Variants in NHS observed in about 807,000 individuals in gnomAD.
NHS encodes the protein actin remodeling regulator NHS.
Under a neutral mutation model 72.5 loss-of-function variants are expected in NHS, and 5 were observed. That is an observed-to-expected ratio of 0.07 (90% CI 0.04 to 0.14). The LOEUF (loss-of-function observed/expected upper bound fraction) is 0.14. Ranked by LOEUF, NHS falls within the 10% of genes least tolerant of loss-of-function variation. NHS has a pLI of 1.00. For missense variants in NHS, 1,072 were observed against 1,355.7 expected, an observed-to-expected ratio of 0.79 and a Z score of 3.29; for synonymous variants, 464 against 547.7, an observed-to-expected ratio of 0.85 and a Z score of 2.13.
intron 1 of NHS, among the ~76,000 whole-genome samples, chrX:17,480,404 A>C (rs2064941586): frequency 8.9e-6 from 1 of 112,059 alleles, no homozygotes; most frequent in South Asian, 3.7e-4. Flanking sequence ...ACAGTAACCA[A>C]AACAGCATGC....
At chrX:17,548,801 C>T (rs1421923889) in intron 1 of NHS, among the ~76,000 whole-genome samples, 1 of 111,641 alleles carries the variant, frequency 9.0e-6, no homozygotes, top group East Asian at 2.8e-4. Context: ...AAAAGCTAGG[C>T]TGCAGAGAGA....
chrX:17,447,093 G>C (rs996235857), intron 1 of NHS, among the ~76,000 whole-genome samples: 2 of 111,889 alleles, frequency 1.8e-5, no homozygotes, highest in Non-Finnish European at 3.8e-5. Context: ...TGTTTGCTGG[G>C]TGGTGAGAAG....
chrX:17,435,843 C>T (rs900258360), intron 1 of NHS, among the ~76,000 whole-genome samples: 1 of 111,852 alleles, frequency 8.9e-6, no homozygotes, highest in East Asian at 2.8e-4. Flanking sequence ...TTGGGCCTAT[C>T]AGTCTTTGCC....
At chrX:17,714,941 G>A (rs1214988706) in intron 3 of NHS, among the ~76,000 whole-genome samples, 1 of 112,328 alleles carries the variant, frequency 8.9e-6, no homozygotes, top group Non-Finnish European at 1.9e-5. Flanking sequence ...ATATAAAAGT[G>A]TAATCAGAAA....
At chrX:17,688,837 T>C (rs2066179217) in intron 2 of NHS, among the ~76,000 whole-genome samples, 1 of 112,201 alleles carries the variant, frequency 8.9e-6, no homozygotes, top group Non-Finnish European at 1.9e-5. Context: ...TGCTTTTCAG[T>C]GCCTTAAAAC....
At chrX:17,494,016 TATGGGAAGATTAAATGAGGCA>T (rs1488826124) in intron 1 of NHS, among the ~76,000 whole-genome samples, 3 of 109,932 alleles carry the variant, frequency 2.7e-5, no homozygotes, top group Non-Finnish European at 5.7e-5. Context: ...CTGCAAGGGT[TATGGGAAGATTAAATGAGGCA>T]ATGGCTCTGG....
At chrX:17,499,007 C>A (rs1254979903) in intron 1 of NHS, among the ~76,000 whole-genome samples, 1 of 111,715 alleles carries the variant, frequency 9.0e-6, no homozygotes, top group Non-Finnish European at 1.9e-5. Context: ...AGTAAACTTC[C>A]CTCATAGTAT....
intron 1 of NHS, among the ~76,000 whole-genome samples, chrX:17,648,526 A>G (rs1159848826): frequency 8.9e-6 from 1 of 112,646 alleles, no homozygotes; most frequent in African/African-American, 3.2e-5. Flanking sequence ...GAAAAGCACC[A>G]TGGCTATTTT....
intron 1 of NHS, chrX:17,687,451 C>T (rs746969699): frequency 5.3e-5 from 18 of 338,154 alleles, no homozygotes; most frequent in South Asian, 4.9e-4. Flanking sequence ...TGTTGATGAG[C>T]GACTGTGCCA....
intron 1 of NHS, among the ~76,000 whole-genome samples, chrX:17,413,521 T>G (rs1216144778): frequency 8.9e-6 from 1 of 112,490 alleles, no homozygotes; most frequent in Non-Finnish European, 1.9e-5. Flanking sequence ...TTGGTTAGAT[T>G]GATTAATCGT....
intron 1 of NHS, among the ~76,000 whole-genome samples, chrX:17,554,829 GT>G (rs1296259636): frequency 9.3e-5 from 10 of 107,471 alleles, no homozygotes; most frequent in African/African-American, 3.7e-4. Context: ...AGGAATGGCT[GT>G]TTTCTTTTTT....
chrX:17,404,329 AG>A (rs2064517316), intron 1 of NHS, among the ~76,000 whole-genome samples: 1 of 111,492 alleles, frequency 9.0e-6, no homozygotes, highest in African/African-American at 3.3e-5. Context: ...AGGTGGCCAA[AG>A]GTCTAAATAA....
At chrX:17,573,589 T>C (rs1395887959) in intron 1 of NHS, among the ~76,000 whole-genome samples, 1 of 110,501 alleles carries the variant, frequency 9.0e-6, no homozygotes, top group Non-Finnish European at 1.9e-5. Flanking sequence ...CTAACCTTTT[T>C]TCAAGGTTTT....
At chrX:17,508,765 C>T (rs996274241) in intron 1 of NHS, among the ~76,000 whole-genome samples, 7 of 112,162 alleles carry the variant, frequency 6.2e-5, no homozygotes, top group Admixed American at 9.5e-5. Context: ...CCACTGTGCC[C>T]GGCTCATTTT....
At chrX:17,377,039 C>T (rs993527170) in intron 1 of NHS, among the ~76,000 whole-genome samples, 1 of 112,461 alleles carries the variant, frequency 8.9e-6, no homozygotes, top group African/African-American at 3.2e-5. Flanking sequence ...GACCCCTGGG[C>T]ATCTTTTCTG....
chrX:17,623,579 C>T (rs952212830), intron 1 of NHS, among the ~76,000 whole-genome samples: 3 of 111,372 alleles, frequency 2.7e-5, no homozygotes, highest in African/African-American at 9.8e-5. Flanking sequence ...TCCAAGAGGC[C>T]TTCACAATCT....
At position 17,385,173 on chromosome X, in the gene NHS, C is replaced by T. The variant is rs529873842; in HGVS notation, c.565+8851C>T. ...AAAGAGATATGGTCAAGTTTTGTTT[C>T]TGACATCTCTCAATCCATTAATGTA... On this transcript the variant is annotated intron_variant, in intron 1 of 8. Coordinates refer to ENST00000676302, the MANE Select transcript of NHS (RefSeq NM_001291867.2). 4.3e-3 allele frequency among the ~76,000 whole-genome samples: 477 copies of T among 112,007 alleles called. 2 individuals are homozygous for T. The highest frequency in any genetic ancestry group is 6.2e-3 in the Non-Finnish European group (332 of 53,228).
In NHS at chrX:17,472,339, CAGAGACAGAG is replaced by C. The variant is rs1318909100; in HGVS notation, c.565+96029_565+96038del. On this transcript the variant is annotated intron_variant, in intron 1 of 8. Coordinates refer to ENST00000676302, the MANE Select transcript of NHS (RefSeq NM_001291867.2). ...AGAGAGAGAGAGAGACAGAGAGAGA[CAGAGACAGAG>C]AGAGACAGAGACAAGAGACATAGCT... 7.3e-5 allele frequency among the ~76,000 whole-genome samples: 8 copies of C among 110,188 alleles called. No homozygotes were observed. In the East Asian group the frequency reaches 1.7e-3, roughly 24 times the overall value.
chrX:17,718,706 G>A (rs1360690785), intron 3 of NHS, among the ~76,000 whole-genome samples: 5 of 93,086 alleles, frequency 5.4e-5, no homozygotes, highest in Non-Finnish European at 1.1e-4. Context: ...GGAAGGGAGG[G>A]AGGCAAGGAG....
Sources: gnomAD v4.1 joint callset for allele counts (sites outside exome capture counted in the v4.1 genomes callset) on GRCh38, gnomAD v4.1.1 for gene constraint, MANE v1.5 for transcripts, NCBI Gene and HGNC (gene_info 2026-07-23, HGNC 2026-07-21) for gene names.